The following ST7L variants were observed in gnomAD, a reference collection of about 807,000 sequenced individuals.
ST7L encodes the protein suppressor of tumorigenicity 7 protein-like.
In ST7L, 57 loss-of-function variants were observed where a neutral mutation model predicts 72.5. The observed-to-expected ratio is 0.79, with a 90% CI of 0.64 to 0.98. The LOEUF is 0.98. Among genes scored for constraint, ST7L ranks in the 50% least tolerant of loss-of-function variants. The probability of loss-of-function intolerance (pLI) is 0.00; values close to 1 mark genes in which losing one functional copy is unlikely to be tolerated. For missense variants in ST7L, 576 were observed against 672.2 expected (o/e 0.86, Z 1.58); for synonymous variants, 221 against 240.9 (o/e 0.92, Z 0.77).
intron 11 of ST7L, among the ~76,000 whole-genome samples, chr1:112,566,158 A>G (rs1216850022): frequency 1.3e-5 from 2 of 152,192 alleles, no homozygotes; most frequent in Non-Finnish European, 2.9e-5. Flanking sequence ...TTCCATGCTA[A>G]GTCAAATTCT....
At chr1:112,547,743 T>C (rs1475226828) in intron 13 of ST7L, among the ~76,000 whole-genome samples, 1 of 150,792 alleles carries the variant, frequency 6.6e-6, no homozygotes, top group Non-Finnish European at 1.5e-5. Context: ...TTTGTAGTTT[T>C]AGTAGAAATG....
chr1:112,617,756 CG>C (rs1670139258), intron 1 of ST7L, among the ~76,000 whole-genome samples: 1 of 145,538 alleles, frequency 6.9e-6, no homozygotes, highest in African/African-American at 2.6e-5. Context: ...CACACACACA[CG>C]AAACGTAAAA....
chr1:112,599,158 ACAC>A (rs1667026069), intron 4 of ST7L, among the ~76,000 whole-genome samples: 3 of 122,890 alleles, frequency 2.4e-5, no homozygotes, highest in Non-Finnish European at 5.2e-5. Context: ...ACACACACAC[ACAC>A]TTCTTTTCAA....
At chr1:112,571,800 T>C (rs1020360044) in intron 11 of ST7L, among the ~76,000 whole-genome samples, 5 of 152,198 alleles carry the variant, frequency 3.3e-5, no homozygotes, top group African/African-American at 4.8e-5. Context: ...CTTGGACATA[T>C]TGCAAGTTCA....
chr1:112,557,951 C>T (rs17438324), intron 11 of ST7L, among the ~76,000 whole-genome samples: 32,785 of 152,088 alleles, frequency 0.22, 3,744 homozygotes, highest in Middle Eastern at 0.26. Flanking sequence ...ATAACAAAAG[C>T]AGTGTAATCA....
intron 3 of ST7L, chr1:112,607,502 G>C (rs1570617369): frequency 6.6e-6 from 1 of 152,062 alleles, no homozygotes. Context: ...CGGGAGGCTG[G>C]GGCAGGAGAA....
intron 14 of ST7L, chr1:112,526,335 T>C: frequency 2.2e-6 from 1 of 460,324 alleles, no homozygotes; most frequent in Non-Finnish European, 3.8e-6. Flanking sequence ...TTCTACTCCT[T>C]TTTTCCCCTT....
At chr1:112,574,521 T>G (rs1365251661) in intron 11 of ST7L, among the ~76,000 whole-genome samples, 1 of 151,022 alleles carries the variant, frequency 6.6e-6, no homozygotes, top group Non-Finnish European at 1.5e-5. Context: ...TAGCCAGGCG[T>G]GGTGGCGGGC....
chr1:112,526,034 G>A lies in ST7L; in HGVS notation c.1707C>T (p.Asp569=), dbSNP rs765578681. ...EENTQDLKSE[D]LGLSSG ...TGGCTCAGCCAGAACTCAAACCTAG[G>A]TCTTCTGACTTCAAATCCTGTGTAT... Residue 569 remains aspartate (D), a synonymous_variant, in exon 15 of 15, where the codon GAC becomes GAT. Transcript: ENST00000358039. 1.3e-5 allele frequency: 21 copies of A among 1,614,024 alleles called. No homozygotes were observed. The African/African-American group carries it at 2.8e-4, about 22-fold the overall frequency.
At position 112,575,418 on chromosome 1, in the gene ST7L, A is replaced by G. The variant is rs1039108471; in HGVS notation, c.1245+1568T>C. On this transcript the variant is annotated intron_variant, in intron 11 of 14. Transcript: ENST00000358039. ...TAGGCACAGTAAGAGACTAATAACAATAACTAATGATAAAATAGAACAGTT... is the reference window on the plus strand; with the variant it reads ...TAGGCACAGTAAGAGACTAATAACAGTAACTAATGATAAAATAGAACAGTT... 3.3e-5 allele frequency among the ~76,000 whole-genome samples: 5 copies of G among 152,242 alleles called. No individual in the cohort carries two copies. The South Asian group carries it at 8.3e-4, about 25-fold the overall frequency.
At chr1:112,531,105 T>C (rs1557938353) in intron 14 of ST7L, among the ~76,000 whole-genome samples, 1 of 152,192 alleles carries the variant, frequency 6.6e-6, no homozygotes. Flanking sequence ...AACTAAGTAA[T>C]TTTGGTCCTA....
intron 14 of ST7L, chr1:112,539,036 A>C (rs1413722378): frequency 1.3e-5 from 2 of 152,256 alleles, no homozygotes. Flanking sequence ...TTTCATAATG[A>C]CTCTGCAATG....
intron 9 of ST7L, 70 bp from the exon 10 acceptor site, chr1:112,578,487 A>G: frequency 7.2e-7 from 1 of 1,389,972 alleles, no homozygotes; most frequent in Non-Finnish European, 1.0e-6. Context: ...TAATAAGAAT[A>G]ATTCACGGCC....
At chr1:112,580,156 G>T (rs940255372) in intron 9 of ST7L, among the ~76,000 whole-genome samples, 1 of 151,710 alleles carries the variant, frequency 6.6e-6, no homozygotes, top group African/African-American at 2.4e-5. Context: ...CTTTTTCTTT[G>T]TTTTTTTTGT....
intron 3 of ST7L, among the ~76,000 whole-genome samples, chr1:112,608,201 A>G (rs1461558989): frequency 6.6e-6 from 1 of 151,940 alleles, no homozygotes; most frequent in Non-Finnish European, 1.5e-5. Context: ...TATTTTTTGT[A>G]GAGATGGGGG....
At chr1:112,601,866 G>C (rs185150503) in intron 3 of ST7L, among the ~76,000 whole-genome samples, 36 of 152,106 alleles carry the variant, frequency 2.4e-4, no homozygotes, top group Non-Finnish European at 4.1e-4. Flanking sequence ...ATCACCTAAG[G>C]TCAGTAGTTC....
intron 13 of ST7L, among the ~76,000 whole-genome samples, chr1:112,548,442 T>G (rs1376034068): frequency 2.6e-5 from 4 of 152,160 alleles, no homozygotes; most frequent in Admixed American, 6.6e-5. Context: ...CAAAGCACTT[T>G]GAGAATTCAG....
chr1:112,574,775 G>A (rs1184504666), intron 11 of ST7L, among the ~76,000 whole-genome samples: 1 of 152,148 alleles, frequency 6.6e-6, no homozygotes, highest in Non-Finnish European at 1.5e-5. Flanking sequence ...GTTACCTTTA[G>A]GTAGGAAGGG....
intron 4 of ST7L, among the ~76,000 whole-genome samples, chr1:112,600,314 A>G (rs533472800): frequency 6.6e-6 from 1 of 152,208 alleles, no homozygotes; most frequent in Non-Finnish European, 1.5e-5. Flanking sequence ...CTGGGATTAC[A>G]GGCATGAGCC....
Sources: allele counts gnomAD v4.1 joint callset (sites outside exome capture counted in the v4.1 genomes callset), GRCh38; gene constraint gnomAD v4.1.1; transcripts MANE v1.5; gene names NCBI Gene and HGNC (gene_info 2026-07-23, HGNC 2026-07-21).